PLEKHA6: variants seen among roughly 807,000 people sequenced by gnomAD.
PLEKHA6 encodes the protein pleckstrin homology domain containing A6, also known as pleckstrin homology domain-containing family A member 6.
A neutral mutation model predicts 116.7 loss-of-function variants in PLEKHA6; 60 were observed. That is an observed-to-expected ratio of 0.51 (90% CI 0.42 to 0.64). The LOEUF is 0.64. Ranked by LOEUF, PLEKHA6 falls within the 30% of genes least tolerant of loss-of-function variation. The pLI, the probability that PLEKHA6 is intolerant of heterozygous loss-of-function variation, is 0.00. For synonymous variants in PLEKHA6, 489 were observed against 556.1 expected (o/e 0.88, Z 1.70); for missense variants, 1,338 against 1,422.7 (o/e 0.94, Z 0.96).
chr1:204,353,402 A>G (rs1179118200), intron 1 of PLEKHA6, among the ~76,000 whole-genome samples: 1 of 152,084 alleles, frequency 6.6e-6, no homozygotes, highest in East Asian at 1.9e-4. Context: ...TATCCAACCA[A>G]CATTTGTTGA....
intron 9 of PLEKHA6, chr1:204,255,549 G>A (rs891391932): frequency 1.5e-6 from 1 of 688,848 alleles, no homozygotes; most frequent in Admixed American, 2.1e-5. Context: ...ATGGCTGGAA[G>A]ATGAGGAGGT....
intron 1 of PLEKHA6, among the ~76,000 whole-genome samples, chr1:204,310,684 C>T (rs1572162174): frequency 2.0e-5 from 3 of 152,210 alleles, no homozygotes; most frequent in Admixed American, 6.5e-5. Context: ...ATGCCTTATA[C>T]GTAGTAGAGA....
chr1:204,264,582 T>C (rs4072613), intron 6 of PLEKHA6, among the ~76,000 whole-genome samples: 75,341 of 151,960 alleles, frequency 0.5, 18,765 homozygotes, highest in Middle Eastern at 0.56. Context: ...CCCAGAGGGA[T>C]TTCCCAGGGG....
At chr1:204,300,902 T>C (rs1670749744) in intron 1 of PLEKHA6, among the ~76,000 whole-genome samples, 1 of 152,220 alleles carries the variant, frequency 6.6e-6, no homozygotes, top group African/African-American at 2.4e-5. Context: ...TTCCAAAACC[T>C]ACAAATGTCT....
chr1:204,278,133 C>T (rs1668211463), intron 1 of PLEKHA6, among the ~76,000 whole-genome samples: 1 of 152,186 alleles, frequency 6.6e-6, no homozygotes, highest in South Asian at 2.1e-4. Flanking sequence ...ATGGTCAGCG[C>T]TCCCCCCTTT....
At chr1:204,265,186 G>A (rs1666647613) in intron 5 of PLEKHA6, 144 bp from the exon 6 acceptor site, 2 of 663,758 alleles carry the variant, frequency 3.0e-6, no homozygotes, top group Admixed American at 4.3e-5. Context: ...CAGGCACTCA[G>A]GGCCACCACA....
chr1:204,267,538 C>T lies in PLEKHA6; in HGVS notation c.217G>A (p.Gly73Arg), dbSNP rs764394069. The change falls in exon 5 of 23, where the codon GGG (glycine) becomes AGG (arginine). Residue 73 changes from glycine (G) to arginine (R), a missense_variant. Physicochemically the swap from Gly to Arg is moderately radical, Grantham distance 125. Around this residue, in one of 3 missense-constraint regions of PLEKHA6, gnomAD observed 140 missense variants for 197.4 expected, o/e 0.71. Coordinates refer to ENST00000272203, the MANE Select transcript of PLEKHA6 (RefSeq NM_014935.5). ...CAGCGCTTGTTCCACTGCTTAACCC[C>T]GGAGCTGGCCTGCGGGACATGGGAG... The part of the protein sequence containing the change: ...AGWLFKQASS[G>R]VKQWNKRWFV... 5.6e-6 allele frequency: 9 copies of T among 1,613,870 alleles called. No homozygotes were observed. Among genetic ancestry groups the T allele is most frequent in the Middle Eastern group, 1.6e-4 (1 of 6,084 alleles).
At position 204,225,941 on chromosome 1, in the gene PLEKHA6, T is replaced by A. The variant is rs559331564; in HGVS notation, c.3031+2142A>T. ...CCATGACTTCCACATATTACATACC[T>A]GAGTCTGCACGCACCGGGTGGATTT... is the stretch of plus-strand genomic sequence containing the variant. On this transcript the variant is annotated intron_variant, in intron 21 of 22. Transcript: ENST00000272203. Among the ~76,000 whole-genome samples, 55 of 152,376 alleles carry A rather than the reference T, an allele frequency of 3.6e-4. No homozygotes were observed. In the Middle Eastern group the frequency reaches 0.02, roughly 57 times the overall value.
intron 1 of PLEKHA6, among the ~76,000 whole-genome samples, chr1:204,310,196 G>A (rs1671606821): frequency 6.6e-6 from 1 of 152,038 alleles, no homozygotes; most frequent in Admixed American, 6.6e-5. Context: ...CTCCAAGGAG[G>A]GGACTGGGCA....
intron 1 of PLEKHA6, among the ~76,000 whole-genome samples, chr1:204,323,739 A>G (rs1188050810): frequency 1.3e-5 from 2 of 152,236 alleles, no homozygotes; most frequent in African/African-American, 4.8e-5. Flanking sequence ...TAGTATTATA[A>G]TAATAGCTAT....
At chr1:204,350,435 A>G (rs16853476) in intron 1 of PLEKHA6, among the ~76,000 whole-genome samples, 6,949 of 152,328 alleles carry the variant, frequency 0.046, 236 homozygotes, top group Middle Eastern at 0.099. Flanking sequence ...GGTAAGAGCC[A>G]TGTCTCTAAT....
intron 1 of PLEKHA6, among the ~76,000 whole-genome samples, chr1:204,276,470 G>A (rs545292886): frequency 6.6e-6 from 1 of 152,092 alleles, no homozygotes; most frequent in Non-Finnish European, 1.5e-5. Context: ...CTGGTGGTCT[G>A]GGGGGCAAGC....
chr1:204,338,026 ATTC>A (rs1442222173), intron 1 of PLEKHA6, among the ~76,000 whole-genome samples: 1 of 152,218 alleles, frequency 6.6e-6, no homozygotes, highest in Non-Finnish European at 1.5e-5. Flanking sequence ...CCTATGAAGT[ATTC>A]TTCTCTCCAT....
chr1:204,341,162 G>A (rs1324805946), intron 1 of PLEKHA6, among the ~76,000 whole-genome samples: 3 of 152,238 alleles, frequency 2.0e-5, no homozygotes, highest in African/African-American at 7.2e-5. Flanking sequence ...CAGGCCCCCA[G>A]GAATCCTCTT....
chr1:204,337,704 C>T (rs116668659), intron 1 of PLEKHA6, among the ~76,000 whole-genome samples: 2,411 of 149,446 alleles, frequency 0.016, 45 homozygotes, highest in Non-Finnish European at 0.022. Flanking sequence ...AAGAAGATGG[C>T]GGTCTCTCAC....
At chr1:204,265,752 C>T (rs376037673) in intron 5 of PLEKHA6, among the ~76,000 whole-genome samples, 2 of 152,330 alleles carry the variant, frequency 1.3e-5, no homozygotes, top group South Asian at 4.1e-4. Flanking sequence ...TTTTCTGCTG[C>T]AGATCCCTGC....
chr1:204,299,172 G>A (rs1251918513), intron 1 of PLEKHA6, among the ~76,000 whole-genome samples: 1 of 152,202 alleles, frequency 6.6e-6, no homozygotes, highest in Admixed American at 6.5e-5. Flanking sequence ...CCAGAGGAAG[G>A]GACAAGATAA....
chr1:204,346,450 T>A (rs77539758), intron 1 of PLEKHA6, among the ~76,000 whole-genome samples: 6,038 of 152,020 alleles, frequency 0.04, 352 homozygotes, highest in African/African-American at 0.13. Flanking sequence ...CCACCACAAA[T>A]GAGCCATGAC....
rs1259791529 is a variant in PLEKHA6, at chr1:204,249,199, C to T, written c.1659G>A (p.Gln553=). 6.2e-7 allele frequency: 1 copy of T among 1,612,618 alleles called. No individual in the cohort carries two copies. Among genetic ancestry groups the T allele is most frequent in the Non-Finnish European group, 8.5e-7 (1 of 1,179,206 alleles). Reference sequence around the variant, plus strand: ...AGCTTCTCACCTTCTCAGCTCGGAGCTGCTGCACCAGCCGGTCCTGCTCCC... The same window carrying T: ...AGCTTCTCACCTTCTCAGCTCGGAGTTGCTGCACCAGCCGGTCCTGCTCCC... ...VVREQDRLVQ[Q]LRAEKESLES... The change falls in exon 11 of 23, where the codon CAG becomes CAA. Residue 553 remains glutamine, a synonymous_variant. Coordinates refer to ENST00000272203, the MANE Select transcript of PLEKHA6 (RefSeq NM_014935.5).
Sources: allele counts gnomAD v4.1 joint callset (sites outside exome capture counted in the v4.1 genomes callset), GRCh38; gene constraint gnomAD v4.1.1; regional missense constraint gnomAD v4.1.1; transcripts MANE v1.5; gene names NCBI Gene and HGNC (gene_info 2026-07-23, HGNC 2026-07-21).